BLTP3B: variants seen among roughly 807,000 people sequenced by gnomAD.
The protein encoded by BLTP3B is UHRF1 (ICBP90) binding protein 1-like.
the BLTP3B span, among the ~76,000 whole-genome samples, chr12:100,041,081 A>G: frequency 6.6e-6 from 1 of 152,200 alleles, no homozygotes; most frequent in Non-Finnish European, 1.5e-5. Flanking sequence ...AGTAAACTGA[A>G]CCCAGCAACA....
chr12:100,094,750 C>T, the BLTP3B span, among the ~76,000 whole-genome samples: 5 of 152,158 alleles, frequency 3.3e-5, no homozygotes, highest in Non-Finnish European at 5.9e-5. Context: ...GTCCCAGCTA[C>T]GCGGGGGGCT....
chr12:100,059,986 C>G, the BLTP3B span: 1 of 1,612,836 alleles, frequency 6.2e-7, no homozygotes. Flanking sequence ...TAGAATGCTT[C>G]TTTCATCCAC....
the BLTP3B span, among the ~76,000 whole-genome samples, chr12:100,119,469 G>A: frequency 3.6e-4 from 55 of 152,064 alleles, no homozygotes; most frequent in Admixed American, 2.4e-3. Flanking sequence ...TGAAAATGTA[G>A]AAGACCTAGA....
the BLTP3B span, chr12:100,059,630 C>T: frequency 1.5e-6 from 2 of 1,340,806 alleles, no homozygotes; most frequent in African/African-American, 3.0e-5. Context: ...TTTTCTTGAC[C>T]TTTCCCCCAA....
At chr12:100,055,952 TTG>T in the BLTP3B span, among the ~76,000 whole-genome samples, 1 of 152,230 alleles carries the variant, frequency 6.6e-6, no homozygotes, top group African/African-American at 2.4e-5. Context: ...ATTGACAGAA[TTG>T]TGAGGTTTAA....
chr12:100,064,856 A>C, the BLTP3B span, among the ~76,000 whole-genome samples: 1 of 151,986 alleles, frequency 6.6e-6, no homozygotes, highest in South Asian at 2.1e-4. Context: ...TCAGAGATCT[A>C]TAAAACAAAA....
chr12:100,091,913 A>ACTAC, the BLTP3B span, among the ~76,000 whole-genome samples: 7 of 151,326 alleles, frequency 4.6e-5, no homozygotes, highest in Non-Finnish European at 8.8e-5. Flanking sequence ...GGTTTGAGAG[A>ACTAC]CTACCCTGCC....
chr12:100,047,651 A>G, the BLTP3B span: 117 of 1,538,056 alleles, frequency 7.6e-5, no homozygotes, highest in Non-Finnish European at 1.0e-4. Flanking sequence ...ACAGGAAAGA[A>G]AAATAACATT....
chr12:100,037,595 C>T, the BLTP3B span: 1 of 1,598,494 alleles, frequency 6.3e-7, no homozygotes, highest in Non-Finnish European at 8.5e-7. Flanking sequence ...TATAACCTTC[C>T]TACTCCAGAG....
the BLTP3B span, chr12:100,095,560 T>C: frequency 7.7e-7 from 1 of 1,295,544 alleles, no homozygotes; most frequent in African/African-American, 1.5e-5. Context: ...ATTCTTGTAC[T>C]CAAAACCTCA....
the BLTP3B span, among the ~76,000 whole-genome samples, chr12:100,062,654 C>A: frequency 6.6e-6 from 1 of 152,118 alleles, no homozygotes; most frequent in South Asian, 2.1e-4. Context: ...TACATGCTAA[C>A]AAAGCTTGTA....
At chr12:100,066,404 A>G in the BLTP3B span, among the ~76,000 whole-genome samples, 2 of 152,102 alleles carry the variant, frequency 1.3e-5, no homozygotes, top group South Asian at 4.1e-4. Flanking sequence ...GAAATGAGAT[A>G]GATAGCAACA....
the BLTP3B span, among the ~76,000 whole-genome samples, chr12:100,102,376 T>G: frequency 2.6e-5 from 4 of 152,074 alleles, no homozygotes; most frequent in African/African-American, 7.2e-5. Context: ...CCTCCCAAAG[T>G]GCTAGGATTA....
chr12:100,038,582 C>T, the BLTP3B span, among the ~76,000 whole-genome samples: 2 of 152,102 alleles, frequency 1.3e-5, no homozygotes, highest in East Asian at 1.9e-4. Context: ...GTGATCTGCC[C>T]GCCTTGGCCT....
the BLTP3B span, among the ~76,000 whole-genome samples, chr12:100,042,305 G>A: frequency 6.6e-6 from 1 of 151,892 alleles, no homozygotes; most frequent in African/African-American, 2.4e-5. Context: ...AATTGCAAGG[G>A]ACCCAAAAGA....
chr12:100,089,169 T>G, the BLTP3B span: 8 of 1,304,016 alleles, frequency 6.1e-6, no homozygotes, highest in African/African-American at 3.0e-5. Context: ...CTAAGTATTT[T>G]CAGTCGAAAG....
the BLTP3B span, chr12:100,059,274 A>AT: frequency 1.2e-6 from 2 of 1,613,934 alleles, no homozygotes; most frequent in African/African-American, 1.3e-5. Flanking sequence ...AATTTCATGC[A>AT]TTTTGGTATC....
the BLTP3B span, among the ~76,000 whole-genome samples, chr12:100,138,727 AG>A: frequency 2.0e-5 from 3 of 152,218 alleles, no homozygotes; most frequent in Non-Finnish European, 4.4e-5. Context: ...CCTTAGCCTA[AG>A]GGAGCGAAGG....
At chr12:100,066,648 C>CA in the BLTP3B span, among the ~76,000 whole-genome samples, 2 of 146,616 alleles carry the variant, frequency 1.4e-5, no homozygotes, top group Admixed American at 6.8e-5. Context: ...AAAAAAAATA[C>CA]AAAAAATTAG....
Sources: gnomAD v4.1 joint callset for allele counts (sites outside exome capture counted in the v4.1 genomes callset) on GRCh38, gnomAD v4.1.1 for gene constraint, MANE v1.5 for transcripts, NCBI Gene and HGNC (gene_info 2026-07-23, HGNC 2026-07-21) for gene names.